The following STK32B variants were observed in gnomAD, a reference collection of about 807,000 sequenced individuals.
STK32B encodes serine/threonine kinase 32B.
Under a neutral mutation model 52.6 loss-of-function variants are expected in STK32B, and 43 were observed. That is an observed-to-expected ratio of 0.82 (90% CI 0.64 to 1.05). The LOEUF (loss-of-function observed/expected upper bound fraction) is 1.05, where lower values mean the gene tolerates loss of function less well. Among genes scored for constraint, STK32B ranks in the 50% least tolerant of loss-of-function variants. The pLI is 0.00. For synonymous variants in STK32B, 238 were observed against 204.3 expected (o/e 1.17, Z -1.41); for missense variants, 621 against 534.6 (o/e 1.16, Z -1.59).
intron 3 of STK32B, among the ~76,000 whole-genome samples, chr4:5,253,206 C>T (rs1037420622): frequency 1.3e-5 from 2 of 152,060 alleles, no homozygotes; most frequent in African/African-American, 4.8e-5. Context: ...TACATTGCTC[C>T]CTCTGTCTAG....
intron 1 of STK32B, among the ~76,000 whole-genome samples, chr4:5,071,528 A>T (rs562012688): frequency 6.6e-6 from 1 of 152,326 alleles, no homozygotes; most frequent in East Asian, 1.9e-4. Context: ...TCCATTTAAA[A>T]TGTAATTATT....
chr4:5,434,039 C>A (rs1336248397), intron 6 of STK32B, among the ~76,000 whole-genome samples: 1 of 152,190 alleles, frequency 6.6e-6, no homozygotes, highest in Admixed American at 6.5e-5. Context: ...AATTGCTCAA[C>A]CACTGGTAGA....
chr4:5,299,046 A>G (rs1323864007), intron 3 of STK32B, among the ~76,000 whole-genome samples: 1 of 151,812 alleles, frequency 6.6e-6, no homozygotes, highest in African/African-American at 2.4e-5. Context: ...TGGCTAGGGG[A>G]GGGAGTTACC....
intron 5 of STK32B, among the ~76,000 whole-genome samples, chr4:5,403,233 C>T (rs969792083): frequency 2.6e-5 from 4 of 152,222 alleles, no homozygotes; most frequent in South Asian, 2.1e-4. Flanking sequence ...CTCCTTTATC[C>T]GCTCTCCTAG....
At chr4:5,189,291 C>G (rs746483457) in intron 3 of STK32B, among the ~76,000 whole-genome samples, 1 of 152,176 alleles carries the variant, frequency 6.6e-6, no homozygotes, top group Admixed American at 6.5e-5. Context: ...TGCTCTAAAA[C>G]CCTCTGTGAT....
intron 3 of STK32B, among the ~76,000 whole-genome samples, chr4:5,185,933 G>A (rs1205847714): frequency 2.0e-5 from 3 of 152,114 alleles, no homozygotes; most frequent in African/African-American, 7.2e-5. Flanking sequence ...CTGGTTTGTG[G>A]GTGATCTGTC....
intron 1 of STK32B, among the ~76,000 whole-genome samples, chr4:5,111,219 C>G (rs1417385131): frequency 6.6e-6 from 1 of 152,104 alleles, no homozygotes; most frequent in East Asian, 1.9e-4. Context: ...TCTCAAAGAA[C>G]TAAAAAGAGA....
intron 2 of STK32B, among the ~76,000 whole-genome samples, chr4:5,165,671 C>A (rs1251001566): frequency 1.3e-5 from 2 of 152,134 alleles, no homozygotes; most frequent in Non-Finnish European, 2.9e-5. Context: ...GTCTCAGAGC[C>A]TGGTGCCCGG....
intron 3 of STK32B, among the ~76,000 whole-genome samples, chr4:5,180,940 G>C (rs2108752904): frequency 6.6e-6 from 1 of 152,222 alleles, no homozygotes; most frequent in South Asian, 2.1e-4. Flanking sequence ...TACTCTCTTG[G>C]GTTTAAGACA....
intron 3 of STK32B, among the ~76,000 whole-genome samples, chr4:5,209,341 TC>T (rs1369938731): frequency 6.6e-6 from 1 of 152,150 alleles, no homozygotes; most frequent in African/African-American, 2.4e-5. Context: ...CCCACCTCAG[TC>T]TTTCAGGTAG....
chr4:5,308,439 C>T (rs1730071621), intron 3 of STK32B, among the ~76,000 whole-genome samples: 1 of 152,000 alleles, frequency 6.6e-6, no homozygotes, highest in Admixed American at 6.6e-5. Flanking sequence ...AATCTACACT[C>T]TTCCGATGCC....
At chr4:5,101,307 C>T (rs960825734) in intron 1 of STK32B, among the ~76,000 whole-genome samples, 4 of 152,064 alleles carry the variant, frequency 2.6e-5, no homozygotes, top group African/African-American at 9.7e-5. Context: ...CGCAGCATGC[C>T]TTCGGGGACA....
intron 2 of STK32B, among the ~76,000 whole-genome samples, chr4:5,159,115 C>G (rs968346453): frequency 2.0e-5 from 3 of 152,206 alleles, no homozygotes; most frequent in African/African-American, 7.2e-5. Context: ...CAGGAGGACA[C>G]TGCTTCTCAG....
At chr4:5,447,679 T>C (rs1044981139) in intron 7 of STK32B, among the ~76,000 whole-genome samples, 1 of 152,214 alleles carries the variant, frequency 6.6e-6, no homozygotes, top group Non-Finnish European at 1.5e-5. Flanking sequence ...TGAGGTGTTA[T>C]TTCTTTGCAC....
intron 1 of STK32B, among the ~76,000 whole-genome samples, chr4:5,100,285 A>G (rs1238200122): frequency 1.3e-5 from 2 of 152,024 alleles, no homozygotes; most frequent in East Asian, 1.9e-4. Flanking sequence ...GCACTGTAGG[A>G]GCACTGCTGT....
chr4:5,325,054 G>A (rs1560321289), intron 3 of STK32B, among the ~76,000 whole-genome samples: 1 of 152,130 alleles, frequency 6.6e-6, no homozygotes, highest in African/African-American at 2.4e-5. Context: ...ATTTATCCTG[G>A]TATGAAGAAA....
Position 5,467,537 on chromosome 4 carries a change from C to T in STK32B, c.1042-469C>T, listed in dbSNP as rs561434598. On this transcript the variant is annotated intron_variant, in intron 10 of 11. Coordinates refer to ENST00000282908, the MANE Select transcript of STK32B (RefSeq NM_018401.3). The surrounding 1 kb of genome is among the most constrained non-coding windows in gnomAD (Gnocchi z 5.8). ...CTGTGACTTCATCTTAACTGGATTA[C>T]ATCTGTAAAGGTTCTATTTCCAAAT... Among the ~76,000 whole-genome samples, 1 of 152,294 alleles carries T rather than the reference C, an allele frequency of 6.6e-6. No homozygotes were observed. The highest frequency in any genetic ancestry group is 1.9e-4 in the East Asian group (1 of 5,170).
chr4:5,235,232 C>T (rs1724540282), intron 3 of STK32B, among the ~76,000 whole-genome samples: 1 of 152,182 alleles, frequency 6.6e-6, no homozygotes, highest in Non-Finnish European at 1.5e-5. Context: ...GGTGGTTGTA[C>T]AAAATGCTGT....
At position 5,499,101 on chromosome 4, in the gene STK32B, C is replaced by T. The variant is rs1286169881; in HGVS notation, c.*18C>T. On this transcript the variant is annotated 3_prime_UTR_variant, in exon 12 of 12. Transcript: ENST00000282908. Reference sequence around the variant, plus strand: ...GCAGCTGAGCCCACACTTGTTGCTGCTCAACAGGACTGCACTCGTCTCTGC... The same window carrying T: ...GCAGCTGAGCCCACACTTGTTGCTGTTCAACAGGACTGCACTCGTCTCTGC... The T allele has an allele frequency of 3.1e-6, 5 of 1,602,576 alleles. No homozygotes were observed. The highest frequency in any genetic ancestry group is 2.7e-5 in the African/African-American group (2 of 74,704).
Sources: gnomAD v4.1 joint callset for allele counts (sites outside exome capture counted in the v4.1 genomes callset) on GRCh38, gnomAD v4.1.1 for gene constraint, Gnocchi (gnomAD v3.1) non-coding constraint, MANE v1.5 for transcripts, NCBI Gene and HGNC (gene_info 2026-07-23, HGNC 2026-07-21) for gene names.